The following CDYL2 variants were observed in gnomAD, a reference collection of about 807,000 sequenced individuals.
CDYL2 encodes chromodomain Y-like protein 2.
CDYL2 carries 23 observed loss-of-function variants against 49.4 expected under a neutral mutation model. The ratio of observed to expected loss-of-function variants is 0.47; its 90% confidence interval spans 0.34 to 0.66. The LOEUF is 0.66. Ranked by LOEUF, CDYL2 falls within the 30% of genes least tolerant of loss-of-function variation. The probability of loss-of-function intolerance (pLI) is 0.01; values close to 1 mark genes in which losing one functional copy is unlikely to be tolerated. For synonymous variants in CDYL2, 360 were observed against 268.8 expected, an observed-to-expected ratio of 1.34 and a Z score of -3.32; for missense variants, 678 against 656.4, an observed-to-expected ratio of 1.03 and a Z score of -0.36.
At chr16:80,801,904 T>A (rs576793577) in intron 1 of CDYL2, among the ~76,000 whole-genome samples, 1 of 152,224 alleles carries the variant, frequency 6.6e-6, no homozygotes, top group African/African-American at 2.4e-5. Context: ...TATAAAAATG[T>A]TGACATTCGT....
At chr16:80,719,467 A>G (rs987011372) in intron 1 of CDYL2, among the ~76,000 whole-genome samples, 12 of 152,106 alleles carry the variant, frequency 7.9e-5, no homozygotes, top group Non-Finnish European at 1.3e-4. Flanking sequence ...TTAATTTTCT[A>G]CATCATCATG....
chr16:80,676,673 G>A (rs971516266), intron 2 of CDYL2, among the ~76,000 whole-genome samples: 1 of 152,166 alleles, frequency 6.6e-6, no homozygotes, highest in Non-Finnish European at 1.5e-5. Flanking sequence ...GGTTATTCAG[G>A]ACTTTCACTA....
rs35071485 is a variant in CDYL2, at chr16:80,702,183, AAC to A, written c.25-17056_25-17055del. Among the ~76,000 whole-genome samples, 1,177 of 142,512 alleles carry A rather than the reference AAC, an allele frequency of 8.3e-3. 10 individuals carry two copies. Among genetic ancestry groups the A allele is most frequent in the African/African-American group, 0.024 (898 of 38,200 alleles). 93.5% of individuals were successfully genotyped at this position (142,512 alleles called of 152,430 possible). A position where few individuals can be genotyped will look rare whatever the true frequency, so the allele number is the denominator to read the frequency against. On this transcript the variant is annotated intron_variant, in intron 1 of 6. Coordinates refer to ENST00000570137, the MANE Select transcript of CDYL2 (RefSeq NM_152342.4). ...AGGTTCCAAGAGTCAGAAGGCCTAA[AAC>A]ACACACACACACACACACACACACA...
intron 4 of CDYL2, among the ~76,000 whole-genome samples, chr16:80,616,155 A>C (rs888901883): frequency 1.3e-5 from 2 of 152,198 alleles, no homozygotes; most frequent in Admixed American, 6.5e-5. Flanking sequence ...CTCAGAGTGA[A>C]GTCTCAGTTC....
At chr16:80,740,319 G>A (rs940638477) in intron 1 of CDYL2, among the ~76,000 whole-genome samples, 3 of 152,064 alleles carry the variant, frequency 2.0e-5, no homozygotes, top group African/African-American at 7.2e-5. Flanking sequence ...CACTTCTACG[G>A]TGGAGGAGGT....
chr16:80,656,400 T>A, intron 2 of CDYL2, among the ~76,000 whole-genome samples: 1 of 152,252 alleles, frequency 6.6e-6, no homozygotes, highest in East Asian at 1.9e-4. Context: ...TCGGGGGCAC[T>A]GCCTGCATTC....
At chr16:80,686,607 G>C (rs1255388660) in intron 1 of CDYL2, among the ~76,000 whole-genome samples, 1 of 152,150 alleles carries the variant, frequency 6.6e-6, no homozygotes. Flanking sequence ...AATTTATATG[G>C]ATGTTTATGT....
At position 80,661,734 on chromosome 16, in the gene CDYL2, G is replaced by A. The variant is rs139709570; in HGVS notation, c.616+22804C>T. On this transcript the variant is annotated intron_variant, in intron 2 of 6. Transcript: ENST00000570137. ...ACAAAGGAGGAAAGAAAATGTGGAT[G>A]CCACATCTGATTCCTGTGTCATGTG... is the stretch of plus-strand genomic sequence containing the variant. Among the ~76,000 whole-genome samples the A allele has an allele frequency of 4.7e-3, 723 of 152,280 alleles. 7 individuals carry two copies. The highest frequency in any genetic ancestry group is 0.017 in the African/African-American group (695 of 41,556).
chr16:80,770,112 GA>G (rs147800633), intron 1 of CDYL2, among the ~76,000 whole-genome samples: 3,966 of 151,860 alleles, frequency 0.026, 163 homozygotes, highest in African/African-American at 0.089. Context: ...AATTAAGGAT[GA>G]AAAAAAATGA....
At chr16:80,633,649 C>T (rs985220537) in intron 2 of CDYL2, among the ~76,000 whole-genome samples, 3 of 152,184 alleles carry the variant, frequency 2.0e-5, no homozygotes, top group African/African-American at 7.2e-5. Flanking sequence ...ATGTGCTAAG[C>T]ACCACCCTCA....
chr16:80,732,340 T>C (rs1327495649), intron 1 of CDYL2, among the ~76,000 whole-genome samples: 2 of 152,188 alleles, frequency 1.3e-5, no homozygotes, highest in Non-Finnish European at 2.9e-5. Context: ...ACATATGGTA[T>C]GTCCCTTGCA....
chr16:80,747,156 G>C (rs1306510780), intron 1 of CDYL2, among the ~76,000 whole-genome samples: 1 of 152,104 alleles, frequency 6.6e-6, no homozygotes, highest in Non-Finnish European at 1.5e-5. Flanking sequence ...ACAAAAGATA[G>C]AAAGGCCAAA....
intron 1 of CDYL2, among the ~76,000 whole-genome samples, chr16:80,705,477 G>A (rs1486124247): frequency 6.6e-6 from 1 of 152,226 alleles, no homozygotes; most frequent in African/African-American, 2.4e-5. Flanking sequence ...TTTCAGGAAT[G>A]TTCTAGAAGC....
rs1597086495 is a variant in CDYL2 at position 80,702,285 on chromosome 16, A to G, written c.25-17156T>C. 2.0e-5 allele frequency among the ~76,000 whole-genome samples: 3 copies of G among 152,244 alleles called. No homozygotes were observed. The South Asian group carries it at 6.2e-4, about 32-fold the overall frequency. On this transcript the variant is annotated intron_variant, in intron 1 of 6. Coordinates refer to ENST00000570137, the MANE Select transcript of CDYL2 (RefSeq NM_152342.4). The stretch of plus-strand genomic sequence containing the variant: ...GCCATCTCATTTTTCATTGAAAGAC[A>G]TCCCATGTTCAAAATAATATTTTGC...
chr16:80,678,442 G>A (rs1909843093), intron 2 of CDYL2, among the ~76,000 whole-genome samples: 1 of 152,164 alleles, frequency 6.6e-6, no homozygotes, highest in African/African-American at 2.4e-5. Flanking sequence ...CCATCAAAAA[G>A]TGGGCGAAGG....
Position 80,612,909 on chromosome 16 carries a change from C to A in CDYL2, c.1008-73G>T. The A allele has an allele frequency of 7.2e-7, 1 of 1,391,332 alleles. No homozygotes were observed. Among genetic ancestry groups the A allele is most frequent in the East Asian group, 2.5e-5 (1 of 40,672 alleles). The allele number at this position is 1,391,332 out of a possible 1,614,324, so 86.2% of individuals were successfully genotyped here. A position where few individuals can be genotyped will look rare whatever the true frequency, so the allele number is the denominator to read the frequency against. On this transcript the variant is annotated intron_variant, in intron 4 of 6. Coordinates refer to ENST00000570137, the MANE Select transcript of CDYL2 (RefSeq NM_152342.4). This position sits in a 1 kb window ranked among gnomAD's most constrained non-coding sequence, Gnocchi z 5.0. ...AGCCCCACTGGAACCCTTGACTCTC[C>A]CAGGTGCTGTGAGGAGCACCCTCAG...
chr16:80,784,333 A>G (rs1423547251), intron 1 of CDYL2, among the ~76,000 whole-genome samples: 2 of 152,226 alleles, frequency 1.3e-5, no homozygotes, highest in Admixed American at 1.3e-4. Flanking sequence ...CCCATTATCC[A>G]GAAGTTCTAA....
intron 1 of CDYL2, among the ~76,000 whole-genome samples, chr16:80,693,495 CA>C (rs1910499414): frequency 6.6e-6 from 1 of 152,136 alleles, no homozygotes; most frequent in Non-Finnish European, 1.5e-5. Flanking sequence ...TGAATACTAA[CA>C]GGGGCTTAAT....
At chr16:80,666,744 C>A (rs962006599) in intron 2 of CDYL2, among the ~76,000 whole-genome samples, 2 of 152,176 alleles carry the variant, frequency 1.3e-5, no homozygotes, top group Non-Finnish European at 2.9e-5. Context: ...AGGGGATGGG[C>A]AGCTTTGACA....
Sources: gnomAD v4.1 joint callset for allele counts (sites outside exome capture counted in the v4.1 genomes callset) on GRCh38, gnomAD v4.1.1 for gene constraint, Gnocchi (gnomAD v3.1) non-coding constraint, MANE v1.5 for transcripts, NCBI Gene and HGNC (gene_info 2026-07-23, HGNC 2026-07-21) for gene names.